EYS: variants seen among roughly 807,000 people sequenced by gnomAD.
EYS encodes EGF-like photoreceptor maintenance factor.
A neutral mutation model predicts 282.1 loss-of-function variants in EYS; 250 were observed. The observed-to-expected ratio is 0.89, with a 90% CI of 0.80 to 0.98. The LOEUF (loss-of-function observed/expected upper bound fraction) is 0.98. EYS is among the 50% of genes least tolerant of loss of function. The probability of loss-of-function intolerance (pLI) is 0.00; values close to 1 mark genes in which losing one functional copy is unlikely to be tolerated. For synonymous variants in EYS, 1,355 were observed against 1,282.9 expected, an observed-to-expected ratio of 1.06 and a Z score of -1.20; for missense variants, 4,016 against 3,709.0, an observed-to-expected ratio of 1.08 and a Z score of -2.15.
chr6:63,960,026 T>TA lies in EYS; in HGVS notation c.7055+24356dup, dbSNP rs78745411. Among the ~76,000 whole-genome samples, 425 of 139,616 alleles carry TA rather than the reference T, an allele frequency of 3.0e-3. 1 individual carries two copies. The highest frequency in any genetic ancestry group is 0.011 in the Middle Eastern group (3 of 272). 91.6% of individuals were successfully genotyped at this position (139,616 alleles called of 152,430 possible). ...TGTATCCTGGAACCTAAAGTAAAAT[T>TA]AAAAAAAAAAAAAGGAATTACATTT... is the stretch of plus-strand genomic sequence containing the variant. On this transcript the variant is annotated intron_variant, in intron 35 of 42. Transcript: ENST00000503581.
intron 41 of EYS, among the ~76,000 whole-genome samples, chr6:63,755,772 G>A (rs1347860504): frequency 1.3e-5 from 2 of 152,182 alleles, no homozygotes; most frequent in East Asian, 1.9e-4. Context: ...AGCATGGAAT[G>A]TTCTTCCATT....
chr6:64,830,854 G>C (rs1765191696), intron 19 of EYS, among the ~76,000 whole-genome samples: 1 of 151,944 alleles, frequency 6.6e-6, no homozygotes, highest in Admixed American at 6.6e-5. Flanking sequence ...TCCACAAATA[G>C]AGGAGTTTCC....
At chr6:64,150,172 C>G (rs1774654972) in intron 31 of EYS, among the ~76,000 whole-genome samples, 1 of 152,188 alleles carries the variant, frequency 6.6e-6, no homozygotes, top group African/African-American at 2.4e-5. Context: ...CTACCCTACA[C>G]CTAGTGAGTT....
intron 22 of EYS, among the ~76,000 whole-genome samples, chr6:64,665,590 G>T (rs1291265982): frequency 1.3e-5 from 2 of 152,076 alleles, no homozygotes; most frequent in Non-Finnish European, 2.9e-5. Flanking sequence ...TAAGTTAATA[G>T]GTCTGAAAAT....
intron 31 of EYS, among the ~76,000 whole-genome samples, chr6:64,102,984 T>TA (rs1480653421): frequency 3.3e-5 from 5 of 152,188 alleles, no homozygotes; most frequent in Non-Finnish European, 2.9e-5. Context: ...CACATGTAAT[T>TA]AAAAAAATCC....
Position 64,097,906 on chromosome 6 carries a change from T to C in EYS, c.6425-15904A>G, listed in dbSNP as rs181665415. ...GAGACATTTTGGCAAAAAATGTTTA[T>C]AAAAAGTGAAATGTGTTAAAGAATA... On this transcript the variant is annotated intron_variant, in intron 31 of 42. Transcript: ENST00000503581. 1.4e-4 allele frequency among the ~76,000 whole-genome samples: 22 copies of C among 152,302 alleles called. No homozygotes were observed. In the East Asian group the frequency reaches 3.9e-3, roughly 27 times the overall value.
At chr6:64,386,793 C>G (rs552936476) in intron 29 of EYS, among the ~76,000 whole-genome samples, 9 of 152,190 alleles carry the variant, frequency 5.9e-5, no homozygotes, top group Admixed American at 5.2e-4. Context: ...TTCTCCCACC[C>G]TTATTGCCAA....
At chr6:65,430,891 T>C (rs1767860051) in intron 5 of EYS, among the ~76,000 whole-genome samples, 1 of 152,128 alleles carries the variant, frequency 6.6e-6, no homozygotes, top group African/African-American at 2.4e-5. Flanking sequence ...ACCCAGGTGC[T>C]ATGTGGAGGG....
chr6:64,779,755 C>T (rs1268424802), intron 22 of EYS, among the ~76,000 whole-genome samples: 1 of 152,062 alleles, frequency 6.6e-6, no homozygotes, highest in African/African-American at 2.4e-5. Context: ...AGAAACTCTT[C>T]CCACTTCTCA....
intron 12 of EYS, among the ~76,000 whole-genome samples, chr6:65,141,035 A>G (rs1190073480): frequency 6.6e-6 from 1 of 151,828 alleles, no homozygotes; most frequent in Non-Finnish European, 1.5e-5. Context: ...ATAAAGACAC[A>G]TGCACACGTA....
At chr6:64,676,079 T>G (rs984096792) in intron 22 of EYS, among the ~76,000 whole-genome samples, 3 of 147,042 alleles carry the variant, frequency 2.0e-5, no homozygotes, top group Non-Finnish European at 3.0e-5. Context: ...TATAGATAGA[T>G]AGAGAGAGAG....
At chr6:64,318,050 A>T (rs1770047547) in intron 29 of EYS, among the ~76,000 whole-genome samples, 1 of 151,964 alleles carries the variant, frequency 6.6e-6, no homozygotes. Context: ...CTCGGGGAGG[A>T]ATAGCATTGG....
chr6:64,920,615 A>T (rs553892352), intron 15 of EYS, among the ~76,000 whole-genome samples: 1 of 152,260 alleles, frequency 6.6e-6, no homozygotes, highest in Admixed American at 6.5e-5. Flanking sequence ...TTAAAAATGT[A>T]TGTAAGTATA....
At chr6:64,712,861 C>A (rs899763458) in intron 22 of EYS, among the ~76,000 whole-genome samples, 1 of 152,156 alleles carries the variant, frequency 6.6e-6, no homozygotes, top group Non-Finnish European at 1.5e-5. Flanking sequence ...AACTATGCAA[C>A]AAGAGAGCCA....
At chr6:65,457,601 T>A (rs10944807) in intron 5 of EYS, among the ~76,000 whole-genome samples, 28,166 of 152,130 alleles carry the variant, frequency 0.19, 3,256 homozygotes, top group Middle Eastern at 0.3. Flanking sequence ...TAAGAAATAA[T>A]TCTTTCTTGT....
intron 31 of EYS, among the ~76,000 whole-genome samples, chr6:64,212,569 C>T (rs991559471): frequency 2.1e-5 from 3 of 144,012 alleles, no homozygotes; most frequent in Non-Finnish European, 3.1e-5. Context: ...AGATGGAGTA[C>T]TTTTTTTTTT....
intron 2 of EYS, among the ~76,000 whole-genome samples, chr6:65,559,121 C>T (rs946320352): frequency 2.0e-5 from 3 of 152,172 alleles, no homozygotes; most frequent in Non-Finnish European, 2.9e-5. Flanking sequence ...AATCCCAACA[C>T]TTTGAGAGGC....
rs541815436 is a variant in EYS, at chr6:64,813,271, TCTTA to T, written c.3443+103_3443+106del. ...GTGCTTATATATATATAAGGTAAAA[TCTTA>T]CTTCAAAACTTAGTATTTACATTGC... On this transcript the variant is annotated intron_variant, in intron 22 of 42. Coordinates refer to ENST00000503581, the MANE Select transcript of EYS (RefSeq NM_001142800.2). 1.3e-3 allele frequency: 939 copies of T among 740,100 alleles called. 6 individuals carry two copies. In the African/African-American group the frequency reaches 0.015, roughly 12 times the overall value. 45.8% of individuals were successfully genotyped at this position (740,100 alleles called of 1,614,324 possible). A position where few individuals can be genotyped will look rare whatever the true frequency, so the allele number is the denominator to read the frequency against.
chr6:65,489,330 C>G (rs1765935790), intron 5 of EYS: 1 of 152,316 alleles, frequency 6.6e-6, no homozygotes, highest in Middle Eastern at 3.4e-3. Flanking sequence ...TGAACAGACA[C>G]TTTGCAAAAG....
Sources: allele counts gnomAD v4.1 joint callset (sites outside exome capture counted in the v4.1 genomes callset), GRCh38; gene constraint gnomAD v4.1.1; transcripts MANE v1.5; gene names NCBI Gene and HGNC (gene_info 2026-07-23, HGNC 2026-07-21).